The following NCOA6 variants were observed in gnomAD, a reference collection of about 807,000 sequenced individuals.
The protein encoded by NCOA6 is nuclear receptor coactivator 6.
A neutral mutation model predicts 171.4 loss-of-function variants in NCOA6; 49 were observed. The ratio of observed to expected loss-of-function variants is 0.29; its 90% CI spans 0.23 to 0.36. NCOA6 has a LOEUF of 0.36. NCOA6 is among the 10% of genes least tolerant of loss of function. NCOA6 has a pLI of 1.00. For missense variants in NCOA6, 2,248 were observed against 2,554.5 expected (o/e 0.88, Z 2.59); for synonymous variants, 910 against 927.5 (o/e 0.98, Z 0.34).
intron 14 of NCOA6, among the ~76,000 whole-genome samples, chr20:34,721,059 A>G (rs1362448137): frequency 6.6e-6 from 1 of 152,008 alleles, no homozygotes; most frequent in Admixed American, 6.6e-5. Flanking sequence ...TAACTCTTGT[A>G]ATTTCCTAAG....
At chr20:34,718,550 G>A (rs181828855) in intron 14 of NCOA6, among the ~76,000 whole-genome samples, 52 of 150,548 alleles carry the variant, frequency 3.5e-4, no homozygotes, top group African/African-American at 1.2e-3. Context: ...TTGTCGCCCA[G>A]GCTGGAGTGC....
chr20:34,744,683 T>C (rs2076251926), intron 10 of NCOA6, among the ~76,000 whole-genome samples: 1 of 152,214 alleles, frequency 6.6e-6, no homozygotes, highest in Non-Finnish European at 1.5e-5. Context: ...AAATCCTTTT[T>C]TATTTTAGGC....
chr20:34,719,423 G>C (rs543487097), intron 14 of NCOA6, among the ~76,000 whole-genome samples: 1 of 152,184 alleles, frequency 6.6e-6, no homozygotes, highest in African/African-American at 2.4e-5. Context: ...TTGAGGTCAG[G>C]AGTTCAAGAC....
At position 34,742,154 on chromosome 20, in the gene NCOA6, C is replaced by T; in HGVS notation, c.4102G>A (p.Val1368Met). 6.2e-7 allele frequency: 1 copy of T among 1,614,214 alleles called. No individual in the cohort carries two copies. The highest frequency in any genetic ancestry group is 8.5e-7 in the Non-Finnish European group (1 of 1,180,044). Residue 1368 changes from valine to methionine, a missense_variant, in exon 11 of 15, where the codon GTG becomes ATG. Physicochemically the swap from Val to Met is conservative, Grantham distance 21. This residue lies in a region of NCOA6 where 884 missense variants were observed against 941.9 expected (regional missense o/e 0.94). Coordinates refer to ENST00000359003, the MANE Select transcript of NCOA6 (RefSeq NM_014071.5). ...ACCAATACATTTCTCGGCAACTCCA[C>T]ATTCTGCAATAGGGCTGCATTTGTC... ...SQTNAALLQNVELPRNVLVSP... is the reference protein window; with the variant it reads ...SQTNAALLQNMELPRNVLVSP...
At chr20:34,751,684 G>A (rs1006768077) in intron 8 of NCOA6, among the ~76,000 whole-genome samples, 12 of 152,204 alleles carry the variant, frequency 7.9e-5, no homozygotes, top group Admixed American at 5.2e-4. Context: ...CCTCTCCTGC[G>A]CAGTCCCTGG....
intron 12 of NCOA6, among the ~76,000 whole-genome samples, chr20:34,734,038 T>C (rs542656734): frequency 1.1e-4 from 16 of 151,954 alleles, no homozygotes; most frequent in Non-Finnish European, 2.1e-4. Flanking sequence ...TGCTCAAAAA[T>C]GAAAATGACT....
At chr20:34,772,113 AC>A (rs2077168159) in intron 4 of NCOA6, among the ~76,000 whole-genome samples, 1 of 152,090 alleles carries the variant, frequency 6.6e-6, no homozygotes, top group Admixed American at 6.6e-5. Context: ...ATTGCTTCAG[AC>A]CAGGAGTTCA....
At chr20:34,785,540 A>T (rs562752428) in intron 2 of NCOA6, among the ~76,000 whole-genome samples, 1 of 152,276 alleles carries the variant, frequency 6.6e-6, no homozygotes, top group Non-Finnish European at 1.5e-5. Context: ...GATTTTTAAT[A>T]AACTTTAGAG....
chr20:34,775,010 G>C (rs1343966570), intron 4 of NCOA6, among the ~76,000 whole-genome samples: 1 of 152,200 alleles, frequency 6.6e-6, no homozygotes, highest in Non-Finnish European at 1.5e-5. Context: ...CAAGATTTAA[G>C]CTGATACTTG....
At chr20:34,745,495 G>A (rs560751216) in intron 10 of NCOA6, among the ~76,000 whole-genome samples, 13 of 152,246 alleles carry the variant, frequency 8.5e-5, no homozygotes, top group East Asian at 1.9e-4. Flanking sequence ...TCTCACTGAC[G>A]GGAAGTGTGA....
At chr20:34,780,464 G>A (rs1008970143) in intron 3 of NCOA6, among the ~76,000 whole-genome samples, 4 of 151,268 alleles carry the variant, frequency 2.6e-5, no homozygotes, top group African/African-American at 7.3e-5. Flanking sequence ...TTCAAGCAAT[G>A]CCTCAGCCAC....
intron 1 of NCOA6, among the ~76,000 whole-genome samples, chr20:34,822,771 T>C (rs553812550): frequency 1.3e-5 from 2 of 152,202 alleles, no homozygotes; most frequent in African/African-American, 2.4e-5. Flanking sequence ...CTGGGGTTCA[T>C]AGACAGGAGT....
intron 2 of NCOA6, among the ~76,000 whole-genome samples, chr20:34,784,762 T>C (rs76985577): frequency 0.062 from 9,357 of 151,766 alleles, 935 homozygotes; most frequent in African/African-American, 0.21. Flanking sequence ...GTATGGGTGA[T>C]AGCAACATTT....
chr20:34,768,694 G>T, intron 4 of NCOA6, 108 bp from the exon 5 acceptor site: 1 of 1,319,390 alleles, frequency 7.6e-7, no homozygotes, highest in Non-Finnish European at 1.0e-6. Context: ...GAAGAATTAT[G>T]GTTAGTTTAC....
chr20:34,777,326 C>T (rs1042616114), intron 3 of NCOA6, among the ~76,000 whole-genome samples: 7 of 151,948 alleles, frequency 4.6e-5, no homozygotes, highest in Admixed American at 6.6e-5. Flanking sequence ...ATAGAACCTG[C>T]GGGGCACGGT....
chr20:34,754,049 C>A (rs2076571335), intron 8 of NCOA6, among the ~76,000 whole-genome samples: 1 of 152,188 alleles, frequency 6.6e-6, no homozygotes, highest in Non-Finnish European at 1.5e-5. Context: ...TATTTCCTCT[C>A]CAAAATTTCT....
At chr20:34,743,654 A>C (rs1273729461) in intron 10 of NCOA6, among the ~76,000 whole-genome samples, 1 of 152,246 alleles carries the variant, frequency 6.6e-6, no homozygotes, top group Non-Finnish European at 1.5e-5. Flanking sequence ...TGTCTATACC[A>C]GCCAAACATT....
At chr20:34,772,377 T>C (rs909814376) in intron 4 of NCOA6, among the ~76,000 whole-genome samples, 1 of 152,168 alleles carries the variant, frequency 6.6e-6, no homozygotes, top group African/African-American at 2.4e-5. Context: ...AATACATCAT[T>C]TATACATAAA....
intron 10 of NCOA6, among the ~76,000 whole-genome samples, chr20:34,744,341 G>C (rs1159694482): frequency 6.6e-6 from 1 of 152,094 alleles, no homozygotes; most frequent in African/African-American, 2.4e-5. Context: ...CTTACAATCA[G>C]AAAAGATAAA....
Sources: gnomAD v4.1 joint callset for allele counts (sites outside exome capture counted in the v4.1 genomes callset) on GRCh38, gnomAD v4.1.1 for gene constraint, gnomAD v4.1.1 regional missense constraint, MANE v1.5 for transcripts, NCBI Gene and HGNC (gene_info 2026-07-23, HGNC 2026-07-21) for gene names.